The following GBE1 variants were observed in gnomAD, a reference collection of about 807,000 sequenced individuals.
The protein encoded by GBE1 is 1,4-alpha-glucan-branching enzyme.
Under a neutral mutation model 88.8 loss-of-function variants are expected in GBE1, and 70 were observed. The observed-to-expected ratio is 0.79, with a 90% CI of 0.65 to 0.96. The LOEUF is 0.96. GBE1 is among the 40% of genes least tolerant of loss of function. The pLI is 0.00. For synonymous variants in GBE1, 284 were observed against 300.1 expected (o/e 0.95, Z 0.56); for missense variants, 872 against 871.0 (o/e 1.00, Z -0.01).
chr3:81,746,716 A>T (rs1043955689), intron 1 of GBE1, among the ~76,000 whole-genome samples: 1 of 152,238 alleles, frequency 6.6e-6, no homozygotes, highest in Non-Finnish European at 1.5e-5. Flanking sequence ...GTGACACGAC[A>T]GAAAAATATG....
chr3:81,550,136 T>G (rs917817050), intron 12 of GBE1, among the ~76,000 whole-genome samples: 5 of 151,612 alleles, frequency 3.3e-5, no homozygotes, highest in African/African-American at 2.4e-5. Flanking sequence ...TCTAATTCAG[T>G]TTACTTGAGA....
chr3:81,531,365 A>C (rs1703009198), intron 14 of GBE1, among the ~76,000 whole-genome samples: 2 of 150,646 alleles, frequency 1.3e-5, no homozygotes, highest in South Asian at 4.2e-4. Context: ...AGCCCTTTTC[A>C]CTCTTCCCTC....
At position 81,761,488 on chromosome 3, in the gene GBE1, C is replaced by G. The variant is rs1706689219; in HGVS notation, c.30G>C (p.Arg10=). 6.2e-7 allele frequency: 1 copy of G among 1,610,570 alleles called. No individual in the cohort carries two copies. The highest frequency in any genetic ancestry group is 1.3e-5 in the African/African-American group (1 of 74,890). MAAPMTPAA[R]PEDYEAALNA... Reference sequence around the variant, plus strand: ...TGAGCGCCGCCTCGTAGTCCTCGGGCCGAGCCGCGGGAGTCATCGGAGCCG... The same window carrying G: ...TGAGCGCCGCCTCGTAGTCCTCGGGGCGAGCCGCGGGAGTCATCGGAGCCG... The change falls in exon 1 of 16, where the codon CGG becomes CGC. Residue 10 remains arginine (R), a synonymous_variant. Coordinates refer to ENST00000429644, the MANE Select transcript of GBE1 (RefSeq NM_000158.4).
intron 12 of GBE1, among the ~76,000 whole-genome samples, chr3:81,542,744 G>C (rs1010153746): frequency 3.3e-5 from 5 of 151,830 alleles, no homozygotes. Context: ...CAACCTATTG[G>C]GTACTATGTT....
intron 7 of GBE1, chr3:81,612,957 G>T: frequency 2.5e-6 from 1 of 397,850 alleles, no homozygotes; most frequent in East Asian, 6.6e-5. Flanking sequence ...TGATGATGAC[G>T]ATGATGACGC....
chr3:81,651,301 G>A (rs1270648969), intron 3 of GBE1, among the ~76,000 whole-genome samples: 2 of 152,084 alleles, frequency 1.3e-5, no homozygotes, highest in Non-Finnish European at 2.9e-5. Context: ...AAAGCTCAAC[G>A]CAGAGCTTCT....
intron 12 of GBE1, among the ~76,000 whole-genome samples, chr3:81,549,083 T>C (rs191432651): frequency 2.3e-4 from 34 of 145,902 alleles, no homozygotes; most frequent in African/African-American, 8.6e-4. Flanking sequence ...TAGGCTAGAG[T>C]GCAGTGGTGT....
At chr3:81,707,141 G>T (rs1432460132) in intron 1 of GBE1, among the ~76,000 whole-genome samples, 1 of 151,918 alleles carries the variant, frequency 6.6e-6, no homozygotes, top group Admixed American at 6.6e-5. Context: ...TTTTAAGAAA[G>T]GTTTGGGAAA....
chr3:81,604,961 C>T (rs1370005466), intron 7 of GBE1, among the ~76,000 whole-genome samples: 1 of 151,952 alleles, frequency 6.6e-6, no homozygotes, highest in Non-Finnish European at 1.5e-5. Flanking sequence ...AGTTTTAACA[C>T]ACATGGGCAT....
chr3:81,629,448 A>G (rs377558773), intron 7 of GBE1, among the ~76,000 whole-genome samples: 1 of 152,052 alleles, frequency 6.6e-6, no homozygotes, highest in East Asian at 1.9e-4. Flanking sequence ...TTCTTAAGAG[A>G]CATTTAGTAC....
chr3:81,677,775 A>G (rs1273141995), intron 2 of GBE1, among the ~76,000 whole-genome samples: 1 of 152,118 alleles, frequency 6.6e-6, no homozygotes, highest in Non-Finnish European at 1.5e-5. Context: ...ACTGGCAGCT[A>G]GTACCCTGGG....
intron 14 of GBE1, among the ~76,000 whole-genome samples, chr3:81,508,307 T>G (rs1019692438): frequency 1.3e-5 from 2 of 152,252 alleles, no homozygotes; most frequent in Non-Finnish European, 2.9e-5. Context: ...CTCAATAATT[T>G]GAGAAGGAAG....
intron 14 of GBE1, among the ~76,000 whole-genome samples, chr3:81,527,168 T>A (rs1239762874): frequency 1.3e-5 from 2 of 152,184 alleles, no homozygotes; most frequent in Non-Finnish European, 2.9e-5. Flanking sequence ...GCTAGCCATA[T>A]GCAGAAAGGT....
intron 14 of GBE1, among the ~76,000 whole-genome samples, chr3:81,522,544 C>G (rs1453374776): frequency 1.3e-5 from 2 of 151,288 alleles, no homozygotes; most frequent in Non-Finnish European, 3.0e-5. Flanking sequence ...CCTTCCTGCC[C>G]CCCCCAAATT....
intron 1 of GBE1, among the ~76,000 whole-genome samples, chr3:81,731,501 A>AT (rs1281911943): frequency 6.6e-6 from 1 of 152,122 alleles, no homozygotes; most frequent in Admixed American, 6.6e-5. Context: ...AGATGATAAC[A>AT]TTTTGATTGT....
intron 3 of GBE1, among the ~76,000 whole-genome samples, chr3:81,663,703 C>T (rs993488408): frequency 1.3e-5 from 2 of 152,136 alleles, no homozygotes; most frequent in Non-Finnish European, 1.5e-5. Flanking sequence ...ACTAAAAGCA[C>T]ACGGTAGCAC....
At chr3:81,657,162 AAC>A (rs1266943871) in intron 3 of GBE1, among the ~76,000 whole-genome samples, 3 of 151,562 alleles carry the variant, frequency 2.0e-5, no homozygotes, top group Admixed American at 6.6e-5. Flanking sequence ...AACAAAAAAA[AAC>A]AATAAATTTG....
At chr3:81,585,884 C>T (rs1703796947) in intron 10 of GBE1, among the ~76,000 whole-genome samples, 1 of 152,136 alleles carries the variant, frequency 6.6e-6, no homozygotes, top group South Asian at 2.1e-4. Flanking sequence ...TTTCCCTTTG[C>T]CTGAATACGT....
At chr3:81,746,168 C>T (rs1325064833) in intron 1 of GBE1, among the ~76,000 whole-genome samples, 1 of 152,036 alleles carries the variant, frequency 6.6e-6, no homozygotes, top group Non-Finnish European at 1.5e-5. Context: ...TTTCTCTGTA[C>T]TTCAATGTAT....
Sources: gnomAD v4.1 joint callset for allele counts (sites outside exome capture counted in the v4.1 genomes callset) on GRCh38, gnomAD v4.1.1 for gene constraint, MANE v1.5 for transcripts, NCBI Gene and HGNC (gene_info 2026-07-23, HGNC 2026-07-21) for gene names.